The following PSG5 variants were observed in gnomAD, a reference collection of about 807,000 sequenced individuals.
PSG5 encodes pregnancy specific beta-1-glycoprotein 5.
In PSG5, 53 loss-of-function variants were observed where a neutral mutation model predicts 37.7. The ratio of observed to expected loss-of-function variants is 1.41; its 90% CI spans 1.13 to 1.77. The LOEUF (loss-of-function observed/expected upper bound fraction) is 1.77, where lower values mean the gene tolerates loss of function less well. PSG5 is among the 40% of genes most tolerant of loss of function. The pLI is 0.00. For synonymous variants in PSG5, 221 were observed against 155.4 expected, an observed-to-expected ratio of 1.42 and a Z score of -3.14; for missense variants, 547 against 405.2, an observed-to-expected ratio of 1.35 and a Z score of -3.00.
At position 43,175,760 on chromosome 19, in the gene PSG5, C is replaced by T. The variant is rs1199242770; in HGVS notation, c.709+110G>A. ...GGGAGTCATGGCCAGCTCAGATGTC[C>T]AGAAATAAAGGTGTCTATACTTGGA... is the stretch of plus-strand genomic sequence containing the variant. On this transcript the variant is annotated intron_variant, in intron 3 of 5. Transcript: ENST00000342951. 13 of 1,550,074 alleles carry T rather than the reference C, an allele frequency of 8.4e-6. No individual in the cohort carries two copies. The South Asian group carries it at 8.7e-5, about 10-fold the overall frequency.
At chr19:43,171,718 T>A (rs1052610873) in intron 4 of PSG5, among the ~76,000 whole-genome samples, 6 of 151,494 alleles carry the variant, frequency 4.0e-5, no homozygotes, top group African/African-American at 1.5e-4. Context: ...GTTTTAATCC[T>A]AGCACTTTGG....
Position 43,168,032 on chromosome 19 carries a change from C to A in PSG5, c.*212G>T. 2 of 415,382 alleles carry A rather than the reference C, an allele frequency of 4.8e-6. No homozygotes were observed. The allele number at this position is 415,382 out of a possible 1,614,324, so 25.7% of individuals were successfully genotyped here. A position where few individuals can be genotyped will look rare whatever the true frequency, so the allele number is the denominator to read the frequency against. On this transcript the variant is annotated 3_prime_UTR_variant, in exon 6 of 6. Transcript: ENST00000342951. ...GTCTAGAATTTCATGAAGGTATCAGCCTGTTCATTAAAATTTTGAAAGTTC... is the reference window on the plus strand; with the variant it reads ...GTCTAGAATTTCATGAAGGTATCAGACTGTTCATTAAAATTTTGAAAGTTC...
Position 43,184,775 on chromosome 19 carries a change from C to A in PSG5, c.430+7G>T. The A allele has an allele frequency of 6.2e-7, 1 of 1,612,054 alleles. No homozygotes were observed. The highest frequency in any genetic ancestry group is 8.5e-7 in the Non-Finnish European group (1 of 1,178,878). On this transcript the variant is annotated splice_region_variant and intron_variant, in intron 2 of 5. Coordinates refer to ENST00000342951, the MANE Select transcript of PSG5 (RefSeq NM_002781.4). ...CCAACACCCAGGGATCATGTGGAAT[C>A]ACTCACGGTATAAGTTGAAGGTGAA...
intron 3 of PSG5, 90 bp from the exon 4 acceptor site, chr19:43,175,559 C>A (rs1177642528): frequency 2.7e-6 from 4 of 1,507,022 alleles, no homozygotes; most frequent in Non-Finnish European, 8.9e-7. Flanking sequence ...ACCCTCTGAG[C>A]CAAGACACAC....
At chr19:43,168,454 T>C (rs920405500) in intron 5 of PSG5, among the ~76,000 whole-genome samples, 9 of 151,578 alleles carry the variant, frequency 5.9e-5, no homozygotes, top group East Asian at 5.8e-4. Context: ...CTGCAAGCTC[T>C]GCCTCCCGGG....
In PSG5 at chr19:43,175,369, C is replaced by T; in HGVS notation, c.810G>A (p.Glu270=). 6.2e-7 allele frequency: 1 copy of T among 1,612,906 alleles called. No homozygotes were observed. Among genetic ancestry groups the T allele is most frequent in the Non-Finnish European group, 8.5e-7 (1 of 1,179,294 alleles). The change falls in exon 4 of 6, where the codon GAG becomes GAA. Residue 270 remains glutamate (E), a synonymous_variant. Coordinates refer to ENST00000342951, the MANE Select transcript of PSG5 (RefSeq NM_002781.4). ...ACTTCCCATTAATTGTCCAAAAATA[C>T]TCTGCCGGTGGGTTAGATTCCGCGA... ...SCFAESNPPA[E]YFWTINGKFQ...
At chr19:43,176,470 C>A (rs1160334893) in intron 2 of PSG5, among the ~76,000 whole-genome samples, 2 of 151,524 alleles carry the variant, frequency 1.3e-5, no homozygotes. Context: ...CTGGCTGGCT[C>A]ACCCTGGGTT....
intron 4 of PSG5, 68 bp from the exon 5 acceptor site, chr19:43,170,206 G>C (rs1048127409): frequency 4.1e-5 from 54 of 1,331,460 alleles, no homozygotes; most frequent in Non-Finnish European, 5.0e-5. Flanking sequence ...GCCTCAGGAA[G>C]AGGCATGTAG....
chr19:43,185,246 T>G, intron 1 of PSG5, 99 bp from the exon 2 acceptor site: 1 of 1,391,888 alleles, frequency 7.2e-7, no homozygotes, highest in Non-Finnish European at 9.8e-7. Flanking sequence ...ATCCTCAGCC[T>G]TGAAGACACA....
chr19:43,170,199 T>C, intron 4 of PSG5, 61 bp from the exon 5 acceptor site: 2 of 1,394,162 alleles, frequency 1.4e-6, no homozygotes, highest in East Asian at 2.5e-5. Context: ...TGGGGGAGCC[T>C]CAGGAAGAGG....
rs746082465 is a variant in PSG5 at position 43,184,789 on chromosome 19, G to A, written c.423C>T (p.Asn141=). The change falls in exon 2 of 6, where the codon AAC becomes AAT. Residue 141 remains asparagine, a synonymous_variant. Coordinates refer to ENST00000342951, the MANE Select transcript of PSG5 (RefSeq NM_002781.4). ...TRGVTGYFTF[N]LYLKLPKPYI... Reference sequence around the variant, plus strand: ...TCATGTGGAATCACTCACGGTATAAGTTGAAGGTGAAATATCCAGTTACTC... The same window carrying A: ...TCATGTGGAATCACTCACGGTATAAATTGAAGGTGAAATATCCAGTTACTC... 2 of 1,612,108 alleles carry A rather than the reference G, an allele frequency of 1.2e-6. No individual in the cohort carries two copies. The highest frequency in any genetic ancestry group is 1.1e-5 in the South Asian group (1 of 90,996).
chr19:43,185,780 G>T (rs553477796), intron 1 of PSG5, among the ~76,000 whole-genome samples: 1 of 150,946 alleles, frequency 6.6e-6, no homozygotes, highest in Admixed American at 6.6e-5. Context: ...TGAGGACAGT[G>T]TTTCATGTCC....
At position 43,184,782 on chromosome 19, in the gene PSG5, G is replaced by C; in HGVS notation, c.430C>G (p.Leu144Val). ...VTGYFTFNLY[L>V]KLPKPYITIN... is the part of the protein sequence containing the mutation. ...CCAGGGATCATGTGGAATCACTCACGGTATAAGTTGAAGGTGAAATATCCA... is the reference window on the plus strand; with the variant it reads ...CCAGGGATCATGTGGAATCACTCACCGTATAAGTTGAAGGTGAAATATCCA... The change falls in exon 2 of 6, where the codon CTG becomes GTG. Residue 144 changes from leucine (L) to valine (V), a missense_variant and splice_region_variant. Physicochemically the swap from Leu to Val is conservative, Grantham distance 32 (BLOSUM62 1). Coordinates refer to ENST00000342951, the MANE Select transcript of PSG5 (RefSeq NM_002781.4). The C allele has an allele frequency of 6.2e-7, 1 of 1,612,098 alleles. No homozygotes were observed.
chr19:43,181,700 G>C (rs1007396719), intron 2 of PSG5, among the ~76,000 whole-genome samples: 8 of 151,814 alleles, frequency 5.3e-5, no homozygotes, highest in Admixed American at 1.3e-4. Flanking sequence ...CCTTGTGCCC[G>C]CCTCGGCCTC....
At chr19:43,184,714 A>T in intron 2 of PSG5, 68 bp downstream of exon 2, 1 of 1,604,740 alleles carries the variant, frequency 6.2e-7, no homozygotes, top group Non-Finnish European at 8.5e-7. Context: ...AGGCCTGACA[A>T]TCCTGTGTGT....
In PSG5 at chr19:43,185,101, C is replaced by G. The variant is rs779213247; in HGVS notation, c.111G>C (p.Thr37=). The G allele has an allele frequency of 6.2e-7, 1 of 1,611,166 alleles. No homozygotes were observed. The highest frequency in any genetic ancestry group is 1.1e-5 in the South Asian group (1 of 90,904). ...FWNLPITAQV[T]IEALPPKVSE... is the part of the protein sequence containing the mutation. ...AAACTTTGGGTGGCAGGGCTTCAAT[C>G]GTGACTTGAGCAGTGATAGGCAGGT... The change falls in exon 2 of 6, where the codon ACG becomes ACC. Residue 37 remains threonine (T), a synonymous_variant. Coordinates refer to ENST00000342951, the MANE Select transcript of PSG5 (RefSeq NM_002781.4).
In PSG5 at chr19:43,182,132, G is replaced by T. The variant is rs1044089824; in HGVS notation, c.430+2650C>A. On this transcript the variant is annotated intron_variant, in intron 2 of 5. Coordinates refer to ENST00000342951, the MANE Select transcript of PSG5 (RefSeq NM_002781.4). ...TTGGGAGGAATTTAATTTATGGTTTGACTTTGAAGCAAGAATCACAAAACT... is the reference window on the plus strand; with the variant it reads ...TTGGGAGGAATTTAATTTATGGTTTTACTTTGAAGCAAGAATCACAAAACT... 1.3e-4 allele frequency among the ~76,000 whole-genome samples: 20 copies of T among 151,700 alleles called. 1 individual carries two copies. The highest frequency in any genetic ancestry group is 4.4e-4 in the African/African-American group (18 of 41,164).
At position 43,175,475 on chromosome 19, in the gene PSG5, G is replaced by T; in HGVS notation, c.710-6C>A. ...GCTGGGGAGGTCTGGACCATCTGGA[G>T]CAAAGAGAATGAAGCCACAGGTGAT... On this transcript the variant is annotated splice_polypyrimidine_tract_variant and splice_region_variant and intron_variant, in intron 3 of 5. Coordinates refer to ENST00000342951, the MANE Select transcript of PSG5 (RefSeq NM_002781.4). 6.2e-7 allele frequency: 1 copy of T among 1,601,468 alleles called. No individual in the cohort carries two copies. The highest frequency in any genetic ancestry group is 8.5e-7 in the Non-Finnish European group (1 of 1,173,474).
intron 4 of PSG5, among the ~76,000 whole-genome samples, chr19:43,173,233 G>T (rs1359082374): frequency 6.6e-6 from 1 of 151,508 alleles, no homozygotes; most frequent in Admixed American, 6.6e-5. Context: ...ATAGATCAAA[G>T]ATCTAAATGT....
Sources: allele counts gnomAD v4.1 joint callset (sites outside exome capture counted in the v4.1 genomes callset), GRCh38; gene constraint gnomAD v4.1.1; transcripts MANE v1.5; gene names NCBI Gene and HGNC (gene_info 2026-07-23, HGNC 2026-07-21).